Variants in TMEM131 observed in about 807,000 individuals in gnomAD.
The protein encoded by TMEM131 is transmembrane protein 131.
TMEM131 carries 66 observed loss-of-function variants against 211.6 expected under a neutral mutation model. The ratio of observed to expected loss-of-function variants is 0.31; its 90% CI spans 0.26 to 0.38. The LOEUF (loss-of-function observed/expected upper bound fraction) is 0.38, where lower values mean the gene tolerates loss of function less well. Among genes scored for constraint, TMEM131 ranks in the 10% least tolerant of loss-of-function variants. The pLI is 1.00. For synonymous variants in TMEM131, 844 were observed against 841.3 expected (o/e 1.00, Z -0.06); for missense variants, 2,036 against 2,299.3 (o/e 0.89, Z 2.34).
chr2:97,783,178 T>C (rs1680095167), intron 31 of TMEM131, among the ~76,000 whole-genome samples: 1 of 152,114 alleles, frequency 6.6e-6, no homozygotes, highest in South Asian at 2.1e-4. Context: ...TTTCAAGTAC[T>C]CAAAGAAAAC....
intron 11 of TMEM131, among the ~76,000 whole-genome samples, chr2:97,826,554 G>T (rs1407174772): frequency 6.6e-6 from 1 of 151,952 alleles, no homozygotes; most frequent in East Asian, 1.9e-4. Flanking sequence ...AGAAAGGAAA[G>T]AGAGAAAGAG....
chr2:97,867,743 G>C (rs1188005886), intron 4 of TMEM131, among the ~76,000 whole-genome samples: 1 of 152,198 alleles, frequency 6.6e-6, no homozygotes, highest in African/African-American at 2.4e-5. Context: ...TAAAGTTGGA[G>C]ATGATGAGAA....
intron 11 of TMEM131, among the ~76,000 whole-genome samples, chr2:97,829,221 G>C (rs1248991718): frequency 2.0e-5 from 3 of 152,218 alleles, no homozygotes; most frequent in Non-Finnish European, 4.4e-5. Context: ...GAGACTTGGA[G>C]AACTTTTCTG....
chr2:97,861,065 G>C (rs557877810), intron 4 of TMEM131, among the ~76,000 whole-genome samples: 4 of 152,288 alleles, frequency 2.6e-5, no homozygotes, highest in African/African-American at 7.2e-5. Context: ...AAATCTGGCT[G>C]AACTCAGCGG....
rs943500400 is a variant in TMEM131 at position 97,769,187 on chromosome 2, A to G, written c.4449-2585T>C. On this transcript the variant is annotated intron_variant, in intron 33 of 40. Coordinates refer to ENST00000186436, the MANE Select transcript of TMEM131 (RefSeq NM_015348.2). ...ACTTTTTGTAAGATAAGGTCTTGCT[A>G]TATTTTCCAGGCTGATCTTGAACTC... Among the ~76,000 whole-genome samples the G allele has an allele frequency of 3.2e-4, 49 of 151,268 alleles. 1 individual carries two copies. Among genetic ancestry groups the G allele is most frequent in the African/African-American group, 8.7e-4 (36 of 41,264 alleles).
chr2:97,880,589 A>T (rs1209542076), intron 4 of TMEM131, among the ~76,000 whole-genome samples: 1 of 152,180 alleles, frequency 6.6e-6, no homozygotes, highest in Non-Finnish European at 1.5e-5. Flanking sequence ...GGAGGAATCC[A>T]GGAAGCCTGA....
At chr2:97,958,815 G>A (rs763305972) in intron 1 of TMEM131, among the ~76,000 whole-genome samples, 2 of 152,346 alleles carry the variant, frequency 1.3e-5, no homozygotes, top group Non-Finnish European at 2.9e-5. Flanking sequence ...ACAGAGGGAC[G>A]AAACTGAAGC....
intron 3 of TMEM131, among the ~76,000 whole-genome samples, chr2:97,888,586 A>G (rs1573513994): frequency 6.6e-6 from 1 of 152,238 alleles, no homozygotes; most frequent in Admixed American, 6.5e-5. Flanking sequence ...AAGAATTGAA[A>G]TATCTATTTC....
At chr2:97,858,673 G>C (rs904600334) in intron 5 of TMEM131, among the ~76,000 whole-genome samples, 4 of 152,206 alleles carry the variant, frequency 2.6e-5, no homozygotes, top group African/African-American at 9.7e-5. Context: ...CCAGGGGAAA[G>C]ATGCGCTGTT....
At chr2:97,920,970 AGTGTGTGTGT>A (rs57343769) in intron 2 of TMEM131, among the ~76,000 whole-genome samples, 13 of 146,720 alleles carry the variant, frequency 8.9e-5, no homozygotes, top group Middle Eastern at 3.6e-3. Flanking sequence ...AAAAATCCCG[AGTGTGTGTGT>A]GTGTGTGTGT....
chr2:97,810,877 A>T (rs571130465), intron 18 of TMEM131, among the ~76,000 whole-genome samples: 3 of 152,230 alleles, frequency 2.0e-5, no homozygotes, highest in Non-Finnish European at 4.4e-5. Flanking sequence ...TTTCTAACAA[A>T]GCAATTCTAA....
chr2:97,915,529 A>G (rs1256987305), intron 2 of TMEM131, among the ~76,000 whole-genome samples: 1 of 152,110 alleles, frequency 6.6e-6, no homozygotes, highest in Non-Finnish European at 1.5e-5. Context: ...TTTACTAGAG[A>G]CAAGGTCTCA....
chr2:97,821,974 G>T (rs748291898), intron 11 of TMEM131, among the ~76,000 whole-genome samples: 5 of 152,298 alleles, frequency 3.3e-5, no homozygotes, highest in South Asian at 2.1e-4. Context: ...TTGGTTGACT[G>T]TGGCCATGAG....
intron 31 of TMEM131, among the ~76,000 whole-genome samples, chr2:97,782,326 A>C (rs1215852715): frequency 6.6e-6 from 1 of 152,220 alleles, no homozygotes; most frequent in African/African-American, 2.4e-5. Flanking sequence ...TGGCAATAAA[A>C]AGGTGGCACA....
At chr2:97,921,011 C>A in intron 2 of TMEM131, among the ~76,000 whole-genome samples, 1 of 134,758 alleles carries the variant, frequency 7.4e-6, no homozygotes. Context: ...GTGTGTAAAG[C>A]TAATTGAAAA....
intron 31 of TMEM131, among the ~76,000 whole-genome samples, chr2:97,791,525 A>G (rs748735178): frequency 1.3e-5 from 2 of 152,114 alleles, no homozygotes; most frequent in Non-Finnish European, 2.9e-5. Context: ...CCTCCGTCCA[A>G]CAGTCCGTGA....
At chr2:97,760,498 G>T in intron 38 of TMEM131, 95 bp downstream of exon 38, 1 of 1,173,926 alleles carries the variant, frequency 8.5e-7, no homozygotes, top group South Asian at 1.3e-5. Flanking sequence ...TAAATTAGGG[G>T]AAAAATGCCC....
intron 4 of TMEM131, among the ~76,000 whole-genome samples, chr2:97,884,201 T>C (rs925622260): frequency 2.0e-5 from 3 of 152,214 alleles, no homozygotes; most frequent in Admixed American, 1.3e-4. Flanking sequence ...CAGGAACATG[T>C]TGTTTGATTT....
At position 97,809,752 on chromosome 2, in the gene TMEM131, G is replaced by A. The variant is rs1681467809; in HGVS notation, c.1991C>T (p.Ala664Val). The A allele has an allele frequency of 6.2e-7, 1 of 1,606,518 alleles. No homozygotes were observed. The highest frequency in any genetic ancestry group is 8.5e-7 in the Non-Finnish European group (1 of 1,176,412). ...GGTCAGTGAGCCTACTGCAATCACA[G>A]CCTTCACAGGGATTGTCAGGATCTG... is the stretch of plus-strand genomic sequence containing the variant. ...DYEILTIPVK[A>V]VIAVGSLTCF... Residue 664 changes from alanine to valine, a missense_variant, in exon 19 of 41, where the codon GCT becomes GTT. By Grantham distance (64) the Ala-to-Val change is moderately conservative. Around this residue, in one of 3 missense-constraint regions of TMEM131, gnomAD observed 1,623 missense variants for 1,805.9 expected, o/e 0.90. Transcript: ENST00000186436.
Sources: allele counts gnomAD v4.1 joint callset (sites outside exome capture counted in the v4.1 genomes callset), GRCh38; gene constraint gnomAD v4.1.1; regional missense constraint gnomAD v4.1.1; transcripts MANE v1.5; gene names NCBI Gene and HGNC (gene_info 2026-07-23, HGNC 2026-07-21).